The following ZNF780B variants were observed in gnomAD, a reference collection of about 807,000 sequenced individuals.
ZNF780B encodes zinc finger protein 780B.
ZNF780B carries 52 observed loss-of-function variants against 74.1 expected under a neutral mutation model. The observed-to-expected ratio is 0.70, with a 90% CI of 0.56 to 0.88. The LOEUF (loss-of-function observed/expected upper bound fraction) is 0.88. Among genes scored for constraint, ZNF780B ranks in the 40% least tolerant of loss-of-function variants. The probability of loss-of-function intolerance (pLI) is 0.00; values close to 1 mark genes in which losing one functional copy is unlikely to be tolerated. For missense variants in ZNF780B, 953 were observed against 1,007.6 expected (o/e 0.95, Z 0.73); for synonymous variants, 315 against 324.3 (o/e 0.97, Z 0.31).
In ZNF780B at chr19:40,045,915, G is replaced by A. The variant is rs1464480489; in HGVS notation, c.232+1460C>T. ...AGGCAGGAGAATTGCTTGAACCCAG[G>A]AGGTGGAGGTTGCAGTGGGCCAAGA... On this transcript the variant is annotated intron_variant, in intron 4 of 4. Coordinates refer to ENST00000434248, the MANE Select transcript of ZNF780B (RefSeq NM_001005851.3). 2.6e-5 allele frequency among the ~76,000 whole-genome samples: 4 copies of A among 152,246 alleles called. No individual in the cohort carries two copies. The East Asian group carries it at 7.7e-4, about 29-fold the overall frequency.
Position 40,037,218 on chromosome 19 carries a change from ATT to A in ZNF780B, c.233-594_233-593del, listed in dbSNP as rs562892051. ...GTGTGAGCCATTGTGCCTGGCCTCT[ATT>A]TTTTTTTTTTTTTTTTAAGAGACAG... On this transcript the variant is annotated intron_variant, in intron 4 of 4. Transcript: ENST00000434248. Among the ~76,000 whole-genome samples, 371 of 131,694 alleles carry A rather than the reference ATT, an allele frequency of 2.8e-3. 1 individual carries two copies. The highest frequency in any genetic ancestry group is 7.6e-3 in the African/African-American group (278 of 36,530). 86.4% of individuals were successfully genotyped at this position (131,694 alleles called of 152,430 possible). A position where few individuals can be genotyped will look rare whatever the true frequency, so the allele number is the denominator to read the frequency against.
At position 40,035,805 on chromosome 19, in the gene ZNF780B, GA is replaced by G; in HGVS notation, c.1053del (p.Gln352ArgfsTer63). 6.2e-7 allele frequency: 1 copy of G among 1,613,790 alleles called. No individual in the cohort carries two copies. Among genetic ancestry groups the G allele is most frequent in the East Asian group, 2.2e-5 (1 of 44,840 alleles). ...AFTLLTKLVRHQKIHMGEKPF... is the reference protein window; with the variant it reads ...AFTLLTKLVRXQKIHMGEKPF... ...GGCTTCTCACCCATATGAATCTTCTGATGTCGAACAAGCTTTGTCAGAAGAG... is the reference window on the plus strand; with the variant it reads ...GGCTTCTCACCCATATGAATCTTCTGTGTCGAACAAGCTTTGTCAGAAGAG... On this transcript the variant is annotated frameshift_variant, in exon 5 of 5. Transcript: ENST00000434248. LOFTEE classifies it high-confidence loss of function.
intron 1 of ZNF780B, among the ~76,000 whole-genome samples, chr19:40,052,783 T>C (rs1973293248): frequency 1.3e-5 from 2 of 152,054 alleles, no homozygotes; most frequent in South Asian, 4.2e-4. Context: ...AATAAATCCA[T>C]ATGTTTACAA....
At chr19:40,043,648 T>C (rs1010676019) in intron 4 of ZNF780B, among the ~76,000 whole-genome samples, 1 of 152,204 alleles carries the variant, frequency 6.6e-6, no homozygotes, top group African/African-American at 2.4e-5. Context: ...TGCAGTTTGA[T>C]CTCAAGACAG....
Position 40,048,672 on chromosome 19 carries a change from A to G in ZNF780B, c.134T>C (p.Leu45Pro), listed in dbSNP as rs376070034. 6 of 1,614,082 alleles carry G rather than the reference A, an allele frequency of 3.7e-6. No individual in the cohort carries two copies. The highest frequency in any genetic ancestry group is 2.2e-5 in the South Asian group (2 of 91,094). The change falls in exon 3 of 5, where the codon CTG becomes CCG. Residue 45 changes from leucine (L) to proline (P), a missense_variant and splice_region_variant. Transcript: ENST00000434248. Reference sequence around the variant, plus strand: ...ATAACTGGGACCAATGACCTTACCCAGTGATATCAGGTGGCTGTAGTTCTC... The same window carrying G: ...ATAACTGGGACCAATGACCTTACCCGGTGATATCAGGTGGCTGTAGTTCTC... ...MLENYSHLIS[L>P]GSSISKPDVI...
chr19:40,040,018 G>GAAAT (rs1972556314), intron 4 of ZNF780B, among the ~76,000 whole-genome samples: 1 of 151,982 alleles, frequency 6.6e-6, no homozygotes, highest in Non-Finnish European at 1.5e-5. Flanking sequence ...TCCAGTTTTT[G>GAAAT]CCCATTCAGT....
At chr19:40,047,858 T>C (rs911457305) in intron 3 of ZNF780B, among the ~76,000 whole-genome samples, 2 of 152,198 alleles carry the variant, frequency 1.3e-5, no homozygotes, top group African/African-American at 4.8e-5. Context: ...GGATTGATAC[T>C]AATATTAAAT....
rs1971934673 is a variant in ZNF780B at position 40,028,342 on chromosome 19, T to C, written c.*6015A>G. The C allele has an allele frequency of 6.6e-6, 1 of 152,154 alleles. No individual in the cohort carries two copies. Among genetic ancestry groups the C allele is most frequent in the African/African-American group, 2.4e-5 (1 of 41,420 alleles). The allele number at this position is 152,154 out of a possible 1,614,324, so 9.4% of individuals were successfully genotyped here. A position where few individuals can be genotyped will look rare whatever the true frequency, so the allele number is the denominator to read the frequency against. The stretch of plus-strand genomic sequence containing the variant: ...CATCCAGAAGTGGAACTACATATAG[T>C]CATTTAACAATAGTTTAGCATTTTC... On this transcript the variant is annotated 3_prime_UTR_variant, in exon 5 of 5. Transcript: ENST00000434248.
At position 40,048,695 on chromosome 19, in the gene ZNF780B, C is replaced by T. The variant is rs2038986; in HGVS notation, c.111G>A (p.Glu37=). 1 of 1,614,196 alleles carries T rather than the reference C, an allele frequency of 6.2e-7. No homozygotes were observed. Among genetic ancestry groups the T allele is most frequent in the Non-Finnish European group, 8.5e-7 (1 of 1,180,030 alleles). Residue 37 remains glutamate (E), a synonymous_variant, in exon 3 of 5, where the codon GAG becomes GAA. Coordinates refer to ENST00000434248, the MANE Select transcript of ZNF780B (RefSeq NM_001005851.3). The part of the protein sequence containing the change: ...QRTLYRDVML[E]NYSHLISLGS... ...CCAGTGATATCAGGTGGCTGTAGTT[C>T]TCCAACATCACATCCCTGTACAAGG...
Position 40,035,010 on chromosome 19 carries a change from C to T in ZNF780B, c.1849G>A (p.Glu617Lys), listed in dbSNP as rs778636638. Residue 617 changes from glutamate (E) to lysine (K), a missense_variant, in exon 5 of 5, where the codon GAA becomes AAA. Coordinates refer to ENST00000434248, the MANE Select transcript of ZNF780B (RefSeq NM_001005851.3). ...TGAAGACTGAAGGCCTTGCCACATT[C>T]CTTACATTCAAAGGGCTTCTCACCA... ...HTGEKPFECK[E>K]CGKAFSLHTQ... 1.6e-5 allele frequency: 26 copies of T among 1,613,906 alleles called. 1 individual carries two copies. In the Admixed American group the frequency reaches 3.7e-4, roughly 23 times the overall value.
At chr19:40,038,791 A>T (rs1218638638) in intron 4 of ZNF780B, among the ~76,000 whole-genome samples, 18 of 151,644 alleles carry the variant, frequency 1.2e-4, no homozygotes, top group Non-Finnish European at 1.5e-5. Context: ...GTTTGAGTTC[A>T]TTGTAGATTC....
intron 1 of ZNF780B, 79 bp from the exon 2 acceptor site, chr19:40,050,456 C>T: frequency 7.3e-7 from 1 of 1,369,990 alleles, no homozygotes; most frequent in Non-Finnish European, 1.0e-6. Flanking sequence ...TTTTATCCTC[C>T]ATTCCTATTT....
chr19:40,045,881 TAGAGGC>T (rs1972911717), intron 4 of ZNF780B, among the ~76,000 whole-genome samples: 1 of 151,886 alleles, frequency 6.6e-6, no homozygotes, highest in Non-Finnish European at 1.5e-5. Context: ...CCAGTTACTC[TAGAGGC>T]TGAGGCAGGA....
At chr19:40,036,951 C>A (rs958180510) in intron 4 of ZNF780B, among the ~76,000 whole-genome samples, 6 of 151,748 alleles carry the variant, frequency 4.0e-5, no homozygotes, top group Non-Finnish European at 7.4e-5. Flanking sequence ...TCTTGTCGCC[C>A]AGGCTGCAGT....
chr19:40,047,557 T>C, intron 3 of ZNF780B, 87 bp from the exon 4 acceptor site: 1 of 837,848 alleles, frequency 1.2e-6, no homozygotes. Context: ...TATAATAAAT[T>C]ACAAGCCAAA....
intron 4 of ZNF780B, among the ~76,000 whole-genome samples, chr19:40,043,911 G>T (rs1599782255): frequency 6.6e-6 from 1 of 152,314 alleles, no homozygotes; most frequent in Non-Finnish European, 1.5e-5. Context: ...TGCACCCACT[G>T]TCCTGCATGC....
rs757300491 is a variant in ZNF780B, at chr19:40,035,815, A to C, written c.1044T>G (p.Leu348=). ...CRKAFTLLTK[L]VRHQKIHMGE... Reference sequence around the variant, plus strand: ...CCATATGAATCTTCTGATGTCGAACAAGCTTTGTCAGAAGAGTAAAGGCCT... The same window carrying C: ...CCATATGAATCTTCTGATGTCGAACCAGCTTTGTCAGAAGAGTAAAGGCCT... The change falls in exon 5 of 5, where the codon CTT becomes CTG. Residue 348 remains leucine (L), a synonymous_variant. Coordinates refer to ENST00000434248, the MANE Select transcript of ZNF780B (RefSeq NM_001005851.3). The C allele has an allele frequency of 1.7e-5, 28 of 1,614,006 alleles. No individual in the cohort carries two copies. The South Asian group carries it at 2.6e-4, about 15-fold the overall frequency.
chr19:40,035,809 T>C lies in ZNF780B; in HGVS notation c.1050A>G (p.Arg350=). ...TCTCACCCATATGAATCTTCTGATG[T>C]CGAACAAGCTTTGTCAGAAGAGTAA... ...KAFTLLTKLV[R]HQKIHMGEKP... The change falls in exon 5 of 5, where the codon CGA becomes CGG. Residue 350 remains arginine, a synonymous_variant. Transcript: ENST00000434248. 1 of 1,614,140 alleles carries C rather than the reference T, an allele frequency of 6.2e-7. No individual in the cohort carries two copies. Among genetic ancestry groups the C allele is most frequent in the Non-Finnish European group, 8.5e-7 (1 of 1,180,032 alleles).
At chr19:40,047,159 G>A in intron 4 of ZNF780B, 1 of 479,474 alleles carries the variant, frequency 2.1e-6, no homozygotes, top group Non-Finnish European at 3.7e-6. Flanking sequence ...GAAAATAACA[G>A]AAATTAGGTG....
Sources: allele counts gnomAD v4.1 joint callset (sites outside exome capture counted in the v4.1 genomes callset), GRCh38; gene constraint gnomAD v4.1.1; transcripts MANE v1.5; gene names NCBI Gene and HGNC (gene_info 2026-07-23, HGNC 2026-07-21).